GALNT13: variants seen among roughly 807,000 people sequenced by gnomAD.
The protein encoded by GALNT13 is UDP-GalNAc:polypeptide N-acetylgalactosaminyltransferase 13.
A neutral mutation model predicts 64.2 loss-of-function variants in GALNT13; 28 were observed. The observed-to-expected ratio is 0.44, with a 90% CI of 0.32 to 0.60. The LOEUF (loss-of-function observed/expected upper bound fraction) is 0.60, where lower values mean the gene tolerates loss of function less well. Ranked by LOEUF, GALNT13 falls within the 20% of genes least tolerant of loss-of-function variation. GALNT13 has a pLI of 0.05. For missense variants in GALNT13, 577 were observed against 669.8 expected (o/e 0.86, Z 1.53); for synonymous variants, 214 against 224.6 (o/e 0.95, Z 0.42).
chr2:153,443,134 A>G, the GALNT13 span, among the ~76,000 whole-genome samples: 8 of 152,090 alleles, frequency 5.3e-5, no homozygotes, highest in African/African-American at 1.9e-4. Flanking sequence ...ATCTGTCCAA[A>G]TGGCTGCCCA....
the GALNT13 span, among the ~76,000 whole-genome samples, chr2:153,545,237 T>G: frequency 6.6e-6 from 1 of 152,140 alleles, no homozygotes; most frequent in Non-Finnish European, 1.5e-5. Context: ...TTCTGAGATA[T>G]GGCCCTTCTT....
chr2:154,109,984 C>T (rs1010431200), intron 3 of GALNT13, among the ~76,000 whole-genome samples: 1 of 151,808 alleles, frequency 6.6e-6, no homozygotes, highest in Non-Finnish European at 1.5e-5. Flanking sequence ...GTTCTTGCCT[C>T]TTAAAAAGAG....
chr2:153,197,847 C>T, the GALNT13 span, among the ~76,000 whole-genome samples: 34 of 152,280 alleles, frequency 2.2e-4, no homozygotes, highest in South Asian at 2.7e-3. Flanking sequence ...TGCAAGTGTG[C>T]GGCAGCCTTG....
chr2:153,820,190 A>T, the GALNT13 span, among the ~76,000 whole-genome samples: 553 of 152,330 alleles, frequency 3.6e-3, 3 homozygotes, highest in Non-Finnish European at 5.8e-3. Context: ...CATTCAAGAA[A>T]AAACAATTTT....
intron 3 of GALNT13, among the ~76,000 whole-genome samples, chr2:153,996,518 G>C (rs888616576): frequency 6.6e-6 from 1 of 151,978 alleles, no homozygotes; most frequent in African/African-American, 2.4e-5. Context: ...CCCATTTTTG[G>C]ATGGGATTTC....
At chr2:153,957,378 G>A (rs1692636015) in intron 3 of GALNT13, among the ~76,000 whole-genome samples, 1 of 152,216 alleles carries the variant, frequency 6.6e-6, no homozygotes, top group South Asian at 2.1e-4. Flanking sequence ...GCAACCAGCA[G>A]TGGAGTCACT....
chr2:153,178,642 A>G, the GALNT13 span, among the ~76,000 whole-genome samples: 18 of 149,764 alleles, frequency 1.2e-4, no homozygotes, highest in Middle Eastern at 3.2e-3. Context: ...AAAACATTTT[A>G]TCCTAATCTA....
chr2:153,233,757 A>G, the GALNT13 span, among the ~76,000 whole-genome samples: 141 of 152,306 alleles, frequency 9.3e-4, 2 homozygotes, highest in South Asian at 0.028. Flanking sequence ...GAAAGAGAAG[A>G]TGGCAGAAAT....
At chr2:154,426,486 C>T (rs972876954) in intron 11 of GALNT13, among the ~76,000 whole-genome samples, 2 of 152,192 alleles carry the variant, frequency 1.3e-5, no homozygotes, top group South Asian at 2.1e-4. Flanking sequence ...AACCTTCGGT[C>T]ATCTGCAAAT....
the GALNT13 span, among the ~76,000 whole-genome samples, chr2:153,378,894 A>G: frequency 2.0e-5 from 3 of 152,126 alleles, no homozygotes; most frequent in Non-Finnish European, 4.4e-5. Flanking sequence ...TTGGCAGACT[A>G]TAGGCACTAA....
chr2:153,293,939 C>T, the GALNT13 span, among the ~76,000 whole-genome samples: 7 of 152,160 alleles, frequency 4.6e-5, no homozygotes, highest in South Asian at 1.5e-3. Flanking sequence ...ACCTCAGCCT[C>T]CTGAGTAGCT....
At chr2:154,269,930 A>ATATATAT (rs1553506263) in intron 8 of GALNT13, among the ~76,000 whole-genome samples, 3 of 142,882 alleles carry the variant, frequency 2.1e-5, no homozygotes, top group Non-Finnish European at 4.6e-5. Flanking sequence ...ATATATTTCT[A>ATATATAT]AAGCACAGGG....
chr2:153,148,198 T>A, the GALNT13 span, among the ~76,000 whole-genome samples: 1 of 151,918 alleles, frequency 6.6e-6, no homozygotes. Context: ...TATTTCATCT[T>A]TAAATTACTC....
the GALNT13 span, among the ~76,000 whole-genome samples, chr2:153,087,962 A>T: frequency 6.6e-6 from 1 of 151,664 alleles, no homozygotes; most frequent in Non-Finnish European, 1.5e-5. Context: ...TATGAATTTC[A>T]TGTAGTTCTG....
intron 2 of GALNT13, among the ~76,000 whole-genome samples, chr2:153,927,561 A>G (rs932685076): frequency 6.6e-6 from 1 of 152,076 alleles, no homozygotes; most frequent in Non-Finnish European, 1.5e-5. Flanking sequence ...CATCTTTAGC[A>G]ATATTATATG....
chr2:154,038,407 T>G (rs1050705436), intron 3 of GALNT13, among the ~76,000 whole-genome samples: 2 of 152,070 alleles, frequency 1.3e-5, no homozygotes, highest in Admixed American at 1.3e-4. Context: ...GATATTGGTA[T>G]AAAAACAGAC....
chr2:154,064,735 G>A (rs1700370762), intron 3 of GALNT13, among the ~76,000 whole-genome samples: 1 of 152,106 alleles, frequency 6.6e-6, no homozygotes. Context: ...TGGTAGCCAC[G>A]TAATACACCC....
the GALNT13 span, among the ~76,000 whole-genome samples, chr2:153,523,650 G>A: frequency 1.3e-5 from 2 of 152,104 alleles, no homozygotes; most frequent in African/African-American, 4.8e-5. Flanking sequence ...ATTGACTTTT[G>A]TATATTAACC....
chr2:153,102,299 C>CT, the GALNT13 span, among the ~76,000 whole-genome samples: 50,712 of 151,754 alleles, frequency 0.33, 9,378 homozygotes, highest in Non-Finnish European at 0.44. Context: ...TCATTCATTC[C>CT]TTTTTTTCAA....
Sources: gnomAD v4.1 joint callset for allele counts (sites outside exome capture counted in the v4.1 genomes callset) on GRCh38, gnomAD v4.1.1 for gene constraint, MANE v1.5 for transcripts, NCBI Gene and HGNC (gene_info 2026-07-23, HGNC 2026-07-21) for gene names.